The following MCM10 variants were observed in gnomAD, a reference collection of about 807,000 sequenced individuals.
MCM10 encodes the protein minichromosome maintenance 10 replication initiation factor, also known as protein MCM10 homolog.
In MCM10, 91 loss-of-function variants were observed where a neutral mutation model predicts 109.9. That is an observed-to-expected ratio of 0.83 (90% CI 0.70 to 0.99). MCM10 has a LOEUF of 0.99. Among genes scored for constraint, MCM10 ranks in the 50% least tolerant of loss-of-function variants. The pLI is 0.00. For synonymous variants in MCM10, 380 were observed against 387.2 expected, an observed-to-expected ratio of 0.98 and a Z score of 0.22; for missense variants, 1,077 against 1,061.2, an observed-to-expected ratio of 1.01 and a Z score of -0.21.
At chr10:13,187,712 G>A (rs1384985945) in intron 9 of MCM10, among the ~76,000 whole-genome samples, 1 of 152,168 alleles carries the variant, frequency 6.6e-6, no homozygotes, top group Non-Finnish European at 1.5e-5. Context: ...ACAGGTTTTG[G>A]TTTAATCTTT....
At chr10:13,201,394 G>C in intron 16 of MCM10, 27 bp from the exon 17 acceptor site, 1 of 1,454,714 alleles carries the variant, frequency 6.9e-7, no homozygotes, top group Non-Finnish European at 9.6e-7. Context: ...TTAGTACCAG[G>C]TCTTTCATTA....
chr10:13,201,321 C>T, intron 16 of MCM10, 100 bp from the exon 17 acceptor site: 1 of 748,806 alleles, frequency 1.3e-6, no homozygotes. Context: ...TGATTATTAT[C>T]AGCTGAGTCA....
At chr10:13,202,232 C>T (rs987336871) in intron 17 of MCM10, among the ~76,000 whole-genome samples, 1 of 152,130 alleles carries the variant, frequency 6.6e-6, no homozygotes, top group Non-Finnish European at 1.5e-5. Flanking sequence ...TGGTGCACAC[C>T]TGTGGCTCCA....
Position 13,166,653 on chromosome 10 carries a change from C to CATATAT in MCM10, c.7+2447_7+2448insTATATA, listed in dbSNP as rs1355743693. ...TCTGTCTCAAAAAAAAAAAAAAATA[C>CATATAT]ATACATACATATATATATATATATA... is the stretch of plus-strand genomic sequence containing the variant. On this transcript the variant is annotated intron_variant, in intron 2 of 19. Coordinates refer to ENST00000378714, the MANE Select transcript of MCM10 (RefSeq NM_018518.5). 2.0e-4 allele frequency among the ~76,000 whole-genome samples: 9 copies of CATATAT among 45,494 alleles called. 1 individual carries two copies. Among genetic ancestry groups the CATATAT allele is most frequent in the African/African-American group, 6.4e-4 (8 of 12,492 alleles). The allele number at this position is 45,494 out of a possible 152,430, so 29.8% of individuals were successfully genotyped here.
At chr10:13,208,999 G>A in intron 18 of MCM10, 92 bp from the exon 19 acceptor site, 1 of 854,768 alleles carries the variant, frequency 1.2e-6, no homozygotes, top group Non-Finnish European at 2.0e-6. Flanking sequence ...CTTGAATGGG[G>A]GCCTACTCTC....
chr10:13,162,615 G>C (rs1833941907), intron 1 of MCM10, among the ~76,000 whole-genome samples: 1 of 152,144 alleles, frequency 6.6e-6, no homozygotes, highest in East Asian at 1.9e-4. Flanking sequence ...CCGTGGATTT[G>C]AGGGCGAGGG....
chr10:13,191,268 T>G, intron 10 of MCM10, 31 bp from the exon 11 acceptor site: 1 of 1,470,546 alleles, frequency 6.8e-7, no homozygotes, highest in Non-Finnish European at 9.5e-7. Context: ...GCTTTAGTGA[T>G]TCTCCTTTTG....
intron 5 of MCM10, among the ~76,000 whole-genome samples, chr10:13,173,511 G>T (rs970088412): frequency 2.0e-5 from 3 of 152,150 alleles, no homozygotes; most frequent in African/African-American, 7.2e-5. Context: ...CAGTGAAAAG[G>T]CTTTCTGCCC....
chr10:13,162,782 T>A (rs1266629900), intron 1 of MCM10, among the ~76,000 whole-genome samples: 1 of 152,088 alleles, frequency 6.6e-6, no homozygotes, highest in Admixed American at 6.5e-5. Context: ...GTTGGTTGAA[T>A]GAATTTTTAA....
At chr10:13,189,150 C>A in intron 10 of MCM10, 70 bp downstream of exon 10, 1 of 1,485,520 alleles carries the variant, frequency 6.7e-7, no homozygotes, top group South Asian at 1.1e-5. Context: ...CTGGTTGTAC[C>A]TTCCTGTAAC....
intron 5 of MCM10, among the ~76,000 whole-genome samples, chr10:13,173,677 G>A (rs572101555): frequency 1.7e-4 from 26 of 152,280 alleles, no homozygotes; most frequent in African/African-American, 4.8e-4. Flanking sequence ...AACTACTTCC[G>A]CCTGAGTGTT....
At chr10:13,208,815 AGTGC>A (rs1182412866) in intron 18 of MCM10, among the ~76,000 whole-genome samples, 3 of 152,222 alleles carry the variant, frequency 2.0e-5, no homozygotes, top group Non-Finnish European at 4.4e-5. Flanking sequence ...CATTACCTGC[AGTGC>A]GTGGATCCCT....
Position 13,172,701 on chromosome 10 carries a change from G to C in MCM10, c.528G>C (p.Glu176Asp). 1 of 1,614,168 alleles carries C rather than the reference G, an allele frequency of 6.2e-7. No individual in the cohort carries two copies. Among genetic ancestry groups the C allele is most frequent in the Non-Finnish European group, 8.5e-7 (1 of 1,180,022 alleles). ...AGGAGTCAACATGCTTTTCTGCGGA[G>C]CTTGATGTCCCTGCGCTACCAAGAA... is the stretch of plus-strand genomic sequence containing the variant. ...RIQESTCFSA[E>D]LDVPALPRTK... is the part of the protein sequence containing the mutation. The change falls in exon 5 of 20, where the codon GAG becomes GAC. Residue 176 changes from glutamate to aspartate, a missense_variant. By Grantham distance (45) the Glu-to-Asp change is conservative. Transcript: ENST00000378714. The surrounding 1 kb of genome is among the most constrained non-coding windows in gnomAD (Gnocchi z 5.2).
intron 5 of MCM10, among the ~76,000 whole-genome samples, chr10:13,173,650 G>A (rs1450057793): frequency 5.9e-5 from 9 of 152,220 alleles, no homozygotes; most frequent in Middle Eastern, 3.2e-3. Flanking sequence ...GCATGGGTCT[G>A]TGCCACAGTC....
Position 13,205,002 on chromosome 10 carries a change from GTATATATATATATATA to G in MCM10, c.2498+674_2498+689del, listed in dbSNP as rs576376587. 3.9e-3 allele frequency among the ~76,000 whole-genome samples: 26 copies of G among 6,692 alleles called. 1 individual carries two copies. Among genetic ancestry groups the G allele is most frequent in the African/African-American group, 0.011 (26 of 2,288 alleles). The allele number at this position is 6,692 out of a possible 152,430, so 4.4% of individuals were successfully genotyped here. A position where few individuals can be genotyped will look rare whatever the true frequency, so the allele number is the denominator to read the frequency against. On this transcript the variant is annotated intron_variant, in intron 18 of 19. Coordinates refer to ENST00000378714, the MANE Select transcript of MCM10 (RefSeq NM_018518.5). ...GCTTCTCATGTATGTATGTATGTATGTATATATATATATATATATATATATATATATATATATATAT... is the reference window on the plus strand; with the variant it reads ...GCTTCTCATGTATGTATGTATGTATGTATATATATATATATATATATATAT...
chr10:13,191,322 A>C lies in MCM10; in HGVS notation c.1439A>C (p.Lys480Thr). The change falls in exon 11 of 20, where the codon AAG (lysine) becomes ACG (threonine). Residue 480 changes from lysine (K) to threonine (T), a missense_variant. Coordinates refer to ENST00000378714, the MANE Select transcript of MCM10 (RefSeq NM_018518.5). The part of the protein sequence containing the change: ...ASIAAAVAPK[K>T]KIQTTLSNLV... ...AGTGCAGCAGCTGTGGCTCCTAAGA[A>C]GAAGATTCAAACCACTCTGAGTAAT... 5.0e-6 allele frequency: 8 copies of C among 1,614,086 alleles called. No individual in the cohort carries two copies. Among genetic ancestry groups the C allele is most frequent in the Non-Finnish European group, 5.1e-6 (6 of 1,179,952 alleles).
rs1355743693 is a variant in MCM10 at position 13,166,653 on chromosome 10, C to CATATATAT, written c.7+2447_7+2448insTATATATA. On this transcript the variant is annotated intron_variant, in intron 2 of 19. Coordinates refer to ENST00000378714, the MANE Select transcript of MCM10 (RefSeq NM_018518.5). ...TCTGTCTCAAAAAAAAAAAAAAATACATACATACATATATATATATATATA... is the reference window on the plus strand; with the variant it reads ...TCTGTCTCAAAAAAAAAAAAAAATACATATATATATACATACATATATATATATATATA... 3.5e-4 allele frequency among the ~76,000 whole-genome samples: 16 copies of CATATATAT among 45,496 alleles called. 1 individual carries two copies. The highest frequency in any genetic ancestry group is 1.3e-3 in the African/African-American group (16 of 12,494). The allele number at this position is 45,496 out of a possible 152,430, so 29.8% of individuals were successfully genotyped here. A position where few individuals can be genotyped will look rare whatever the true frequency, so the allele number is the denominator to read the frequency against.
Position 13,207,972 on chromosome 10 carries a change from A to G in MCM10, c.2499-1119A>G, listed in dbSNP as rs116942632. Among the ~76,000 whole-genome samples the G allele has an allele frequency of 8.4e-3, 1,199 of 142,122 alleles. 14 individuals are homozygous for G. The highest frequency in any genetic ancestry group is 0.014 in the Non-Finnish European group (914 of 64,992). 93.2% of individuals were successfully genotyped at this position (142,122 alleles called of 152,430 possible). ...CAGGCAGACATACTTCCTTAGCTTT[A>G]TTATATGTCTTCTCTCTTTCTCTCT... On this transcript the variant is annotated intron_variant, in intron 18 of 19. Transcript: ENST00000378714.
At position 13,173,038 on chromosome 10, in the gene MCM10, A is replaced by G. The variant is rs146083226; in HGVS notation, c.592+273A>G. Among the ~76,000 whole-genome samples the G allele has an allele frequency of 8.1e-3, 1,234 of 152,216 alleles. 16 individuals carry two copies. The highest frequency in any genetic ancestry group is 0.028 in the African/African-American group (1,176 of 41,530). ...AGGCTGGGTAGTATAGCAAGACCCT[A>G]TCTCTACAGTAATAAAATTAGCCAG... On this transcript the variant is annotated intron_variant, in intron 5 of 19. Transcript: ENST00000378714.
Sources: gnomAD v4.1 joint callset for allele counts (sites outside exome capture counted in the v4.1 genomes callset) on GRCh38, gnomAD v4.1.1 for gene constraint, Gnocchi (gnomAD v3.1) non-coding constraint, MANE v1.5 for transcripts, NCBI Gene and HGNC (gene_info 2026-07-23, HGNC 2026-07-21) for gene names.